Variants in UBL3 observed in about 807,000 individuals in gnomAD.
The protein encoded by UBL3 is ubiquitin like 3.
In UBL3, 6 loss-of-function variants were observed where a neutral mutation model predicts 18.4. That is an observed-to-expected ratio of 0.33 (90% confidence interval 0.18 to 0.64). UBL3 has a LOEUF of 0.64. Among genes scored for constraint, UBL3 ranks in the 30% least tolerant of loss-of-function variants. The pLI is 0.76. For missense variants in UBL3, 109 were observed against 142.9 expected, an observed-to-expected ratio of 0.76 and a Z score of 1.21; for synonymous variants, 49 against 46.6, an observed-to-expected ratio of 1.05 and a Z score of -0.21.
chr13:29,797,080 G>A lies in UBL3; in HGVS notation c.28-19817C>T, dbSNP rs183631343. Among the ~76,000 whole-genome samples the A allele has an allele frequency of 1.9e-3, 290 of 152,226 alleles. 1 individual carries two copies. Among genetic ancestry groups the A allele is most frequent in the African/African-American group, 6.6e-3 (274 of 41,540 alleles). ...TTATAAATTAATTATTTATAAATTA[G>A]TAGAAGTTATTTATTGAAAACATTA... On this transcript the variant is annotated intron_variant, in intron 1 of 4. Transcript: ENST00000380680.
intron 1 of UBL3, among the ~76,000 whole-genome samples, chr13:29,793,849 CT>C (rs1463696696): frequency 2.0e-5 from 3 of 152,190 alleles, no homozygotes; most frequent in African/African-American, 4.8e-5. Flanking sequence ...ATTGGCTTTT[CT>C]TTTCCTTTTT....
intron 1 of UBL3, among the ~76,000 whole-genome samples, chr13:29,809,025 C>T (rs1877969126): frequency 6.6e-6 from 1 of 152,110 alleles, no homozygotes; most frequent in Non-Finnish European, 1.5e-5. Flanking sequence ...AACATCTCTA[C>T]AAGGTATTAA....
intron 1 of UBL3, among the ~76,000 whole-genome samples, chr13:29,814,691 A>T (rs1878223909): frequency 6.6e-6 from 1 of 152,192 alleles, no homozygotes; most frequent in East Asian, 1.9e-4. Flanking sequence ...GTTTTATTAA[A>T]GAATGACCTA....
intron 1 of UBL3, among the ~76,000 whole-genome samples, chr13:29,840,443 A>G (rs1414549842): frequency 6.6e-6 from 1 of 152,246 alleles, no homozygotes; most frequent in African/African-American, 2.4e-5. Context: ...ATTCTTCCAG[A>G]GTATTAAAAA....
intron 1 of UBL3, among the ~76,000 whole-genome samples, chr13:29,780,003 G>A (rs1002473360): frequency 1.3e-5 from 2 of 152,026 alleles, no homozygotes; most frequent in Admixed American, 6.6e-5. Flanking sequence ...AGAAGGCAAT[G>A]GTATTTTGCC....
At chr13:29,832,923 A>C (rs1878819133) in intron 1 of UBL3, among the ~76,000 whole-genome samples, 1 of 152,236 alleles carries the variant, frequency 6.6e-6, no homozygotes, top group African/African-American at 2.4e-5. Flanking sequence ...AAATGGAGCA[A>C]GATAAAGAGA....
intron 1 of UBL3, among the ~76,000 whole-genome samples, chr13:29,779,916 G>T (rs111901110): frequency 1.3e-5 from 2 of 152,066 alleles, no homozygotes; most frequent in Admixed American, 1.3e-4. Flanking sequence ...GTACCACAGC[G>T]GCCTTATAAG....
chr13:29,828,935 GT>G (rs1479653522), intron 1 of UBL3, among the ~76,000 whole-genome samples: 3 of 152,178 alleles, frequency 2.0e-5, no homozygotes, highest in Non-Finnish European at 2.9e-5. Flanking sequence ...TTTGCTGGAG[GT>G]CCACTCCAGA....
intron 1 of UBL3, among the ~76,000 whole-genome samples, chr13:29,787,171 T>C (rs1877342600): frequency 1.3e-5 from 2 of 149,468 alleles, no homozygotes; most frequent in African/African-American, 4.9e-5. Context: ...ATGTAAACTG[T>C]TTTTTTTTTC....
intron 1 of UBL3, among the ~76,000 whole-genome samples, chr13:29,820,458 G>A (rs1232316201): frequency 1.3e-5 from 2 of 152,146 alleles, no homozygotes; most frequent in East Asian, 1.9e-4. Context: ...TTACAGGAGT[G>A]AGCCACCATG....
intron 1 of UBL3, among the ~76,000 whole-genome samples, chr13:29,796,540 G>C (rs1248182274): frequency 6.6e-6 from 1 of 151,814 alleles, no homozygotes; most frequent in Non-Finnish European, 1.5e-5. Context: ...AAATGTTATG[G>C]TACTACAAAT....
chr13:29,839,556 A>C (rs1327888512), intron 1 of UBL3, among the ~76,000 whole-genome samples: 7 of 152,184 alleles, frequency 4.6e-5, no homozygotes, highest in Non-Finnish European at 1.0e-4. Flanking sequence ...TGGGAGGCTA[A>C]GGAGGAAGGA....
intron 1 of UBL3, among the ~76,000 whole-genome samples, chr13:29,791,554 C>A (rs1250108548): frequency 2.6e-5 from 4 of 152,214 alleles, no homozygotes; most frequent in African/African-American, 9.7e-5. Context: ...CATTATAAAT[C>A]CTATCCTGGC....
At chr13:29,807,784 A>C (rs76441003) in intron 1 of UBL3, among the ~76,000 whole-genome samples, 3,198 of 152,326 alleles carry the variant, frequency 0.021, 47 homozygotes, top group South Asian at 0.045. Flanking sequence ...TTCAAGACTT[A>C]TCTCTAACAG....
chr13:29,831,170 T>C (rs943907954), intron 1 of UBL3, among the ~76,000 whole-genome samples: 1 of 152,192 alleles, frequency 6.6e-6, no homozygotes, highest in Non-Finnish European at 1.5e-5. Flanking sequence ...TTTTTTCAAC[T>C]GAATGCTCAC....
intron 1 of UBL3, among the ~76,000 whole-genome samples, chr13:29,810,134 A>G (rs1035275591): frequency 1.1e-4 from 17 of 152,172 alleles, no homozygotes; most frequent in African/African-American, 3.9e-4. Flanking sequence ...TGAGGAATTA[A>G]GGTTATTCCA....
chr13:29,816,444 T>C (rs183783409), intron 1 of UBL3, among the ~76,000 whole-genome samples: 48 of 152,174 alleles, frequency 3.2e-4, no homozygotes, highest in African/African-American at 1.1e-3. Context: ...TTACCTAAAA[T>C]AATAGCAAAT....
chr13:29,838,899 C>T (rs538973262), intron 1 of UBL3, among the ~76,000 whole-genome samples: 6 of 150,918 alleles, frequency 4.0e-5, no homozygotes, highest in East Asian at 1.9e-4. Context: ...CGTATAAGGA[C>T]GAAGAGAGAT....
At chr13:29,827,481 A>G (rs1423150586) in intron 1 of UBL3, among the ~76,000 whole-genome samples, 1 of 152,180 alleles carries the variant, frequency 6.6e-6, no homozygotes, top group Non-Finnish European at 1.5e-5. Flanking sequence ...ACTCTGTTTT[A>G]TCAGAGACTA....
Sources: gnomAD v4.1 joint callset for allele counts (sites outside exome capture counted in the v4.1 genomes callset) on GRCh38, gnomAD v4.1.1 for gene constraint, MANE v1.5 for transcripts, NCBI Gene and HGNC (gene_info 2026-07-23, HGNC 2026-07-21) for gene names.